Variants in WASHC5 observed in about 807,000 individuals in gnomAD.
WASHC5 encodes WASH complex subunit 5, also known as WASH complex subunit strumpellin.
Under a neutral mutation model 150.4 loss-of-function variants are expected in WASHC5, and 101 were observed. That is an observed-to-expected ratio of 0.67 (90% CI 0.57 to 0.79). WASHC5 has a LOEUF of 0.79. Among genes scored for constraint, WASHC5 ranks in the 30% least tolerant of loss-of-function variants. WASHC5 has a pLI of 0.00. For synonymous variants in WASHC5, 467 were observed against 491.2 expected (o/e 0.95, Z 0.65); for missense variants, 1,195 against 1,396.3 (o/e 0.86, Z 2.30).
intron 9 of WASHC5, among the ~76,000 whole-genome samples, chr8:125,071,834 G>T (rs1156289549): frequency 6.6e-6 from 1 of 152,176 alleles, no homozygotes; most frequent in Non-Finnish European, 1.5e-5. Flanking sequence ...GGGGCTCACT[G>T]GGCTAAAATC....
Position 125,059,526 on chromosome 8 carries a change from T to C in WASHC5, c.1538A>G (p.Gln513Arg). 6.2e-7 allele frequency: 1 copy of C among 1,613,170 alleles called. No homozygotes were observed. Among genetic ancestry groups the C allele is most frequent in the Non-Finnish European group, 8.5e-7 (1 of 1,179,348 alleles). The change falls in exon 13 of 29, where the codon CAG (glutamine) becomes CGG (arginine). Residue 513 changes from glutamine (Q) to arginine (R), a missense_variant. Around this residue, in one of 3 missense-constraint regions of WASHC5, gnomAD observed 997 missense variants for 1,168.1 expected, o/e 0.85. Transcript: ENST00000318410. Reference protein sequence around the residue: ...QALEEVQEFHQLESNLQVCQF... With the variant: ...QALEEVQEFHRLESNLQVCQF... The stretch of plus-strand genomic sequence containing the variant: ...ACATACTTGCAGATTGGATTCCAAC[T>C]GGTGGAATTCTTGAACCTGTGTTAC...
rs1817138308 is a variant in WASHC5, at chr8:125,078,785, T to G, written c.664A>C (p.Ile222Leu). The G allele has an allele frequency of 6.2e-7, 1 of 1,614,048 alleles. No individual in the cohort carries two copies. The highest frequency in any genetic ancestry group is 8.5e-7 in the Non-Finnish European group (1 of 1,179,954). Residue 222 changes from isoleucine (I) to leucine (L), a missense_variant, in exon 6 of 29, where the codon ATC becomes CTC. Ile to Leu is a conservative substitution (Grantham distance 5, BLOSUM62 2). Coordinates refer to ENST00000318410, the MANE Select transcript of WASHC5 (RefSeq NM_014846.4). Reference protein sequence around the residue: ...FQRVPINESFISMVIGRLRSD... With the variant: ...FQRVPINESFLSMVIGRLRSD... ...CTCAGTCGACCAATGACCATACTGATGAAGGATTCGTTGATAGGCACTCTC... is the reference window on the plus strand; with the variant it reads ...CTCAGTCGACCAATGACCATACTGAGGAAGGATTCGTTGATAGGCACTCTC...
intron 17 of WASHC5, among the ~76,000 whole-genome samples, chr8:125,053,936 G>C (rs1352430283): frequency 6.6e-6 from 1 of 152,194 alleles, no homozygotes; most frequent in Admixed American, 6.5e-5. Flanking sequence ...ATGGCCTTCT[G>C]ATATTTCCAA....
In WASHC5 at chr8:125,028,494, T is replaced by A. The variant is rs947395893; in HGVS notation, c.3423+126A>T. 1.6e-5 allele frequency: 11 copies of A among 682,914 alleles called. No individual in the cohort carries two copies. The Admixed American group carries it at 2.3e-4, about 14-fold the overall frequency. 42.3% of individuals were successfully genotyped at this position (682,914 alleles called of 1,614,324 possible). A position where few individuals can be genotyped will look rare whatever the true frequency, so the allele number is the denominator to read the frequency against. On this transcript the variant is annotated intron_variant, in intron 28 of 28. Coordinates refer to ENST00000318410, the MANE Select transcript of WASHC5 (RefSeq NM_014846.4). Reference sequence around the variant, plus strand: ...CATTTCAGAGCTGGGGGTAGAGCAGTGGCGAGAGGCGCAGAGGCATCTACT... The same window carrying A: ...CATTTCAGAGCTGGGGGTAGAGCAGAGGCGAGAGGCGCAGAGGCATCTACT...
intron 9 of WASHC5, 100 bp downstream of exon 9, chr8:125,073,053 G>A: frequency 8.0e-7 from 1 of 1,245,864 alleles, no homozygotes; most frequent in Non-Finnish European, 1.2e-6. Context: ...CTCATCCAAG[G>A]CCTCTCTCCC....
In WASHC5 at chr8:125,054,608, C is replaced by T. The variant is rs553070764; in HGVS notation, c.2097+983G>A. Among the ~76,000 whole-genome samples, 1,046 of 151,698 alleles carry T rather than the reference C, an allele frequency of 6.9e-3. 7 individuals are homozygous for T. Among genetic ancestry groups the T allele is most frequent in the African/African-American group, 0.024 (980 of 41,374 alleles). On this transcript the variant is annotated intron_variant, in intron 17 of 28. Coordinates refer to ENST00000318410, the MANE Select transcript of WASHC5 (RefSeq NM_014846.4). ...CAGCACTTTGGGAGGCCGAGGCGGG[C>T]GGGTCACGAGGTCAGGAGATCAAGA...
chr8:125,081,639 T>G, intron 5 of WASHC5, 22 bp downstream of exon 5: 1 of 1,369,086 alleles, frequency 7.3e-7, no homozygotes, highest in Non-Finnish European at 1.0e-6. Flanking sequence ...GTTTCGGAAG[T>G]GTAGTCCTAG....
At position 125,044,609 on chromosome 8, in the gene WASHC5, T is replaced by G. The variant is rs1445205513; in HGVS notation, c.2594A>C (p.Gln865Pro). Residue 865 changes from glutamine (Q) to proline (P), a missense_variant, in exon 21 of 29, where the codon CAG (glutamine) becomes CCG (proline). Physicochemically the swap from Gln to Pro is moderately conservative, Grantham distance 76. This residue lies in a region of WASHC5 where 997 missense variants were observed against 1,168.1 expected (regional missense o/e 0.85). Coordinates refer to ENST00000318410, the MANE Select transcript of WASHC5 (RefSeq NM_014846.4). ...TAGACCAAAGGTTCCCAAGGTGGTC[T>G]GGATTTCTGAGAAGAGGCGGCTGCT... ...VTSSRLFSEIQTTLGTFGLNG... is the reference protein window; with the variant it reads ...VTSSRLFSEIPTTLGTFGLNG... The G allele has an allele frequency of 6.2e-7, 1 of 1,614,052 alleles. No homozygotes were observed. The highest frequency in any genetic ancestry group is 1.3e-5 in the African/African-American group (1 of 74,938).
At chr8:125,065,268 C>T (rs1816713471) in intron 10 of WASHC5, among the ~76,000 whole-genome samples, 1 of 152,162 alleles carries the variant, frequency 6.6e-6, no homozygotes, top group African/African-American at 2.4e-5. Context: ...GGTTAAAGAA[C>T]CCAGCTGAAA....
intron 6 of WASHC5, among the ~76,000 whole-genome samples, chr8:125,077,234 T>A (rs11985490): frequency 0.11 from 16,734 of 152,162 alleles, 2,144 homozygotes; most frequent in African/African-American, 0.31. Context: ...TGCAGGCAGG[T>A]ATGTGGCCAG....
In WASHC5 at chr8:125,050,665, C is replaced by T. The variant is rs777613204; in HGVS notation, c.2098G>A (p.Val700Met). The change falls in exon 18 of 29, where the codon GTG becomes ATG. Residue 700 changes from valine to methionine, a missense_variant and splice_region_variant. By Grantham distance (21) the Val-to-Met change is conservative. Transcript: ENST00000318410. ...MKTTLVGIIK[V>M]DPKQLLEDGI... ...TCTTCCAGCAACTGCTTTGGATCCA[C>T]CTAAGTGCCAATCAAAAGTATTAAA... 1 of 1,611,836 alleles carries T rather than the reference C, an allele frequency of 6.2e-7. No homozygotes were observed.
rs776045038 is a variant in WASHC5 at position 125,038,812 on chromosome 8, T to G, written c.3084+18A>C. ...TTCTGTACCCCCATCCCCGCCATTATATATTTTAATTACTCACCTTATTCA... is the reference window on the plus strand; with the variant it reads ...TTCTGTACCCCCATCCCCGCCATTAGATATTTTAATTACTCACCTTATTCA... On this transcript the variant is annotated intron_variant, in intron 25 of 28. Coordinates refer to ENST00000318410, the MANE Select transcript of WASHC5 (RefSeq NM_014846.4). The G allele has an allele frequency of 1.2e-6, 2 of 1,613,456 alleles. No individual in the cohort carries two copies. The highest frequency in any genetic ancestry group is 1.7e-6 in the Non-Finnish European group (2 of 1,179,496).
At chr8:125,084,745 C>T (rs1817369076) in intron 1 of WASHC5, among the ~76,000 whole-genome samples, 1 of 152,226 alleles carries the variant, frequency 6.6e-6, no homozygotes, top group Non-Finnish European at 1.5e-5. Flanking sequence ...TACCCAACCA[C>T]TCCTTGCTGA....
intron 9 of WASHC5, among the ~76,000 whole-genome samples, chr8:125,071,805 G>C (rs1225096412): frequency 2.0e-5 from 3 of 152,200 alleles, no homozygotes; most frequent in Non-Finnish European, 2.9e-5. Flanking sequence ...CACCATCCCA[G>C]AAGTGACAAA....
intron 11 of WASHC5, among the ~76,000 whole-genome samples, chr8:125,061,527 G>A (rs1816594329): frequency 6.6e-6 from 1 of 152,182 alleles, no homozygotes; most frequent in African/African-American, 2.4e-5. Flanking sequence ...CTGGAGAAGC[G>A]AGGAAAAGTA....
chr8:125,037,148 G>T (rs754010773), intron 26 of WASHC5, 89 bp downstream of exon 26: 2 of 801,784 alleles, frequency 2.5e-6, no homozygotes, highest in East Asian at 5.0e-5. Flanking sequence ...TCTCATATCC[G>T]ACATAGGCAT....
intron 9 of WASHC5, among the ~76,000 whole-genome samples, chr8:125,071,639 A>T (rs571268813): frequency 1.3e-5 from 2 of 152,264 alleles, no homozygotes; most frequent in South Asian, 4.1e-4. Context: ...TATCCCAAGC[A>T]ATGTTTCCCT....
intron 26 of WASHC5, among the ~76,000 whole-genome samples, chr8:125,036,122 A>G (rs1315595343): frequency 6.6e-6 from 1 of 152,242 alleles, no homozygotes; most frequent in Non-Finnish European, 1.5e-5. Context: ...AATCATACAT[A>G]AAGTATTAAA....
rs1418082986 is a variant in WASHC5 at position 125,073,186 on chromosome 8, T to C, written c.1117A>G (p.Ile373Val). ...LNCLRDCNVA[I>V]RWLMLHTADS... is the part of the protein sequence containing the mutation. ...GCTGTATGAAGCATCAGCCATCGGATGGCAACATTGCAGTCTCTCAGGCAG... is the reference window on the plus strand; with the variant it reads ...GCTGTATGAAGCATCAGCCATCGGACGGCAACATTGCAGTCTCTCAGGCAG... Residue 373 changes from isoleucine to valine, a missense_variant, in exon 9 of 29, where the codon ATC (isoleucine) becomes GTC (valine). By Grantham distance (29) the Ile-to-Val change is conservative (BLOSUM62 3). Coordinates refer to ENST00000318410, the MANE Select transcript of WASHC5 (RefSeq NM_014846.4). 6 of 1,614,050 alleles carry C rather than the reference T, an allele frequency of 3.7e-6. No homozygotes were observed. The African/African-American group carries it at 5.3e-5, about 14-fold the overall frequency.
Sources: gnomAD v4.1 joint callset for allele counts (sites outside exome capture counted in the v4.1 genomes callset) on GRCh38, gnomAD v4.1.1 for gene constraint, gnomAD v4.1.1 regional missense constraint, MANE v1.5 for transcripts, NCBI Gene and HGNC (gene_info 2026-07-23, HGNC 2026-07-21) for gene names.